RRAGD: variants seen among roughly 807,000 people sequenced by gnomAD.
RRAGD encodes ras-related GTP-binding protein D.
Under a neutral mutation model 35.5 loss-of-function variants are expected in RRAGD, and 12 were observed. The ratio of observed to expected loss-of-function variants is 0.34; its 90% CI spans 0.22 to 0.55. The LOEUF (loss-of-function observed/expected upper bound fraction) is 0.55. Ranked by LOEUF, RRAGD falls within the 20% of genes least tolerant of loss-of-function variation. The probability of loss-of-function intolerance (pLI) is 0.91; values close to 1 mark genes in which losing one functional copy is unlikely to be tolerated. For synonymous variants in RRAGD, 155 were observed against 178.9 expected, an observed-to-expected ratio of 0.87 and a Z score of 1.07; for missense variants, 324 against 490.1, an observed-to-expected ratio of 0.66 and a Z score of 3.20.
chr6:89,405,282 A>T (rs528510647), intron 1 of RRAGD, among the ~76,000 whole-genome samples: 2 of 133,612 alleles, frequency 1.5e-5, no homozygotes, highest in South Asian at 5.4e-4. Context: ...TGAACCTGGG[A>T]GGCGGAGCTT....
Position 89,387,457 on chromosome 6 carries a change from C to T in RRAGD, c.282G>A (p.Leu94=), listed in dbSNP as rs757975015. 40 of 1,614,150 alleles carry T rather than the reference C, an allele frequency of 2.5e-5. No homozygotes were observed. The South Asian group carries it at 3.6e-4, about 15-fold the overall frequency. Residue 94 remains leucine, a synonymous_variant, in exon 2 of 7, where the codon TTG becomes TTA. Transcript: ENST00000369415. ...HKMSPNETLF[L]ESTNKICRED... ...CCCGGCATATCTTATTAGTGCTCTC[C>T]AAGAACAGAGTTTCGTTGGGAGACA...
At chr6:89,382,425 A>ATATAT (rs1554203631) in intron 2 of RRAGD, among the ~76,000 whole-genome samples, 1 of 146,970 alleles carries the variant, frequency 6.8e-6, no homozygotes, top group African/African-American at 2.5e-5. Context: ...ATATATATGT[A>ATATAT]ATTAACCAGA....
chr6:89,410,715 G>C (rs1052348282), intron 1 of RRAGD, among the ~76,000 whole-genome samples: 1 of 152,204 alleles, frequency 6.6e-6, no homozygotes, highest in African/African-American at 2.4e-5. Flanking sequence ...ATTGAAAGTC[G>C]TGCCTGCCAG....
chr6:89,394,149 T>G (rs1373413235), intron 1 of RRAGD, among the ~76,000 whole-genome samples: 2 of 151,964 alleles, frequency 1.3e-5, no homozygotes, highest in Non-Finnish European at 2.9e-5. Flanking sequence ...TAGAGAAGCC[T>G]TTCCTAAATT....
At chr6:89,405,745 G>A (rs1003330392) in intron 1 of RRAGD, among the ~76,000 whole-genome samples, 7 of 152,150 alleles carry the variant, frequency 4.6e-5, no homozygotes, top group East Asian at 1.9e-4. Context: ...ATCAACAAAC[G>A]CTTAAGCGTC....
intron 1 of RRAGD, 87 bp from the exon 2 acceptor site, chr6:89,387,677 T>C: frequency 4.0e-6 from 5 of 1,243,888 alleles, no homozygotes; most frequent in Non-Finnish European, 5.7e-6. Flanking sequence ...AAATGTGATT[T>C]ATGATTCACA....
rs1020232038 is a variant in RRAGD, at chr6:89,380,154, G to A, written c.644+14C>T. ...CATCCTTTATTGGGATCCTTAAGGG[G>A]TTTCTGTTCTCACCTGAGGTGAATT... On this transcript the variant is annotated intron_variant, in intron 3 of 6. Transcript: ENST00000369415. 3.7e-6 allele frequency: 6 copies of A among 1,613,382 alleles called. No homozygotes were observed. Among genetic ancestry groups the A allele is most frequent in the Non-Finnish European group, 5.1e-6 (6 of 1,179,362 alleles).
At chr6:89,403,915 C>T (rs1276963798) in intron 1 of RRAGD, among the ~76,000 whole-genome samples, 2 of 152,136 alleles carry the variant, frequency 1.3e-5, no homozygotes, top group Admixed American at 6.5e-5. Flanking sequence ...ACCTTGGCAT[C>T]CCAAAGTGTT....
At position 89,412,027 on chromosome 6, in the gene RRAGD, G is replaced by C. The variant is rs1182734430; in HGVS notation, c.-34C>G. On this transcript the variant is annotated 5_prime_UTR_variant, in exon 1 of 7. Coordinates refer to ENST00000369415, the MANE Select transcript of RRAGD (RefSeq NM_021244.5). The surrounding 1 kb of genome is among the most constrained non-coding windows in gnomAD (Gnocchi z 4.2). ...CCGGCCGGCCGGCCCGGGGACGGCG[G>C]GGGTCCCGGGGTGGGGGCCAAGCCT... The C allele has an allele frequency of 3.3e-6, 5 of 1,514,972 alleles. No homozygotes were observed. Among genetic ancestry groups the C allele is most frequent in the Non-Finnish European group, 3.5e-6 (4 of 1,136,570 alleles). 93.8% of individuals were successfully genotyped at this position (1,514,972 alleles called of 1,614,324 possible).
intron 1 of RRAGD, among the ~76,000 whole-genome samples, chr6:89,408,187 A>G (rs1769621902): frequency 6.6e-6 from 1 of 152,132 alleles, no homozygotes; most frequent in Non-Finnish European, 1.5e-5. Context: ...AGGGGCTTAC[A>G]TTTCCATATA....
At chr6:89,372,874 C>G (rs915405654) in intron 5 of RRAGD, among the ~76,000 whole-genome samples, 1 of 152,212 alleles carries the variant, frequency 6.6e-6, no homozygotes, top group African/African-American at 2.4e-5. Flanking sequence ...ACCTCCGTGG[C>G]CAAGGGCTTC....
intron 1 of RRAGD, among the ~76,000 whole-genome samples, chr6:89,389,555 CAAAAAAA>C (rs767352705): frequency 6.9e-5 from 4 of 58,182 alleles, no homozygotes; most frequent in Non-Finnish European, 1.1e-4. Context: ...GACTCCGTCT[CAAAAAAA>C]AAAAAAAAAA....
chr6:89,407,149 C>G (rs187292164), intron 1 of RRAGD, among the ~76,000 whole-genome samples: 4 of 152,268 alleles, frequency 2.6e-5, no homozygotes, highest in African/African-American at 9.6e-5. Context: ...CAGAGGACCA[C>G]AAGAGGAGAA....
intron 1 of RRAGD, among the ~76,000 whole-genome samples, chr6:89,392,017 G>A (rs922236541): frequency 6.6e-6 from 1 of 150,662 alleles, no homozygotes; most frequent in Non-Finnish European, 1.5e-5. Flanking sequence ...ACACCTTTGT[G>A]AATATACTAA....
intron 2 of RRAGD, among the ~76,000 whole-genome samples, chr6:89,382,920 C>T (rs570410206): frequency 2.0e-4 from 30 of 152,034 alleles, no homozygotes; most frequent in African/African-American, 6.3e-4. Flanking sequence ...AGGCAAATGT[C>T]GGATTCTGGG....
chr6:89,388,940 C>A (rs749789514), intron 1 of RRAGD, among the ~76,000 whole-genome samples: 2 of 152,176 alleles, frequency 1.3e-5, no homozygotes, highest in Admixed American at 6.5e-5. Flanking sequence ...AGGGTTTGCA[C>A]TCCTATGAGA....
intron 6 of RRAGD, among the ~76,000 whole-genome samples, 160 bp downstream of exon 6, chr6:89,372,277 G>A (rs1274534784): frequency 2.0e-5 from 3 of 152,224 alleles, no homozygotes; most frequent in Admixed American, 6.5e-5. Flanking sequence ...CTGGGGGCAG[G>A]AGCCCGCCCC....
intron 1 of RRAGD, among the ~76,000 whole-genome samples, chr6:89,402,046 T>TC (rs1562465219): frequency 7.4e-6 from 1 of 134,742 alleles, no homozygotes; most frequent in African/African-American, 3.0e-5. Context: ...GGATTTTTTT[T>TC]TTTTTTTTTT....
At chr6:89,394,252 A>C in intron 1 of RRAGD, among the ~76,000 whole-genome samples, 1 of 152,148 alleles carries the variant, frequency 6.6e-6, no homozygotes, top group East Asian at 1.9e-4. Context: ...ATCATAGTGT[A>C]ACTTCAAAAT....
Sources: allele counts gnomAD v4.1 joint callset (sites outside exome capture counted in the v4.1 genomes callset), GRCh38; gene constraint gnomAD v4.1.1; non-coding constraint Gnocchi (gnomAD v3.1); transcripts MANE v1.5; gene names NCBI Gene and HGNC (gene_info 2026-07-23, HGNC 2026-07-21).